The following HS3ST4 variants were observed in gnomAD, a reference collection of about 807,000 sequenced individuals.
The protein encoded by HS3ST4 is heparan sulfate glucosamine 3-O-sulfotransferase 4.
A neutral mutation model predicts 29.2 loss-of-function variants in HS3ST4; 17 were observed. That is an observed-to-expected ratio of 0.58 (90% CI 0.40 to 0.87). The LOEUF is 0.87. HS3ST4 is among the 40% of genes least tolerant of loss of function. The pLI, the probability that HS3ST4 is intolerant of heterozygous loss-of-function variation, is 0.00. For synonymous variants in HS3ST4, 314 were observed against 285.7 expected (o/e 1.10, Z -1.00); for missense variants, 627 against 634.5 (o/e 0.99, Z 0.13).
At chr16:26,120,011 C>T (rs1301311943) in intron 1 of HS3ST4, among the ~76,000 whole-genome samples, 1 of 151,296 alleles carries the variant, frequency 6.6e-6, no homozygotes, top group Non-Finnish European at 1.5e-5. Context: ...GCACTGAGAC[C>T]TGAATAAGAG....
At chr16:26,011,476 C>G (rs1969310165) in intron 1 of HS3ST4, among the ~76,000 whole-genome samples, 1 of 152,170 alleles carries the variant, frequency 6.6e-6, no homozygotes, top group South Asian at 2.1e-4. Flanking sequence ...ACTAGAAGTG[C>G]TTGAACGCAG....
At chr16:26,102,454 C>A (rs1046055302) in intron 1 of HS3ST4, among the ~76,000 whole-genome samples, 1 of 152,154 alleles carries the variant, frequency 6.6e-6, no homozygotes, top group Non-Finnish European at 1.5e-5. Flanking sequence ...ACCACTGTTT[C>A]TATTTCTTTC....
At chr16:25,886,308 G>C (rs1596602787) in intron 1 of HS3ST4, among the ~76,000 whole-genome samples, 1 of 152,006 alleles carries the variant, frequency 6.6e-6, no homozygotes, top group East Asian at 1.9e-4. Context: ...TCTGGGATTA[G>C]AGTAGTGAGC....
chr16:26,130,534 G>GC (rs1301179549), intron 1 of HS3ST4, among the ~76,000 whole-genome samples: 1 of 152,174 alleles, frequency 6.6e-6, no homozygotes. Context: ...TTTGCCTACA[G>GC]CCCCAAGGAA....
chr16:25,816,366 G>C (rs1350226229), intron 1 of HS3ST4, among the ~76,000 whole-genome samples: 1 of 152,186 alleles, frequency 6.6e-6, no homozygotes, highest in Non-Finnish European at 1.5e-5. Flanking sequence ...GACAGTCAGA[G>C]GCGATCGATA....
chr16:26,082,920 A>C (rs1007379829), intron 1 of HS3ST4, among the ~76,000 whole-genome samples: 1 of 152,260 alleles, frequency 6.6e-6, no homozygotes, highest in Non-Finnish European at 1.5e-5. Context: ...TGGTTGCTAC[A>C]GAATAACTTG....
intron 1 of HS3ST4, among the ~76,000 whole-genome samples, chr16:25,987,640 G>A (rs1247659832): frequency 1.3e-5 from 2 of 152,208 alleles, no homozygotes; most frequent in Admixed American, 1.3e-4. Context: ...AGGGGACAGT[G>A]CTCAGAGCCA....
intron 1 of HS3ST4, among the ~76,000 whole-genome samples, chr16:26,034,388 C>G (rs901035200): frequency 7.2e-5 from 11 of 152,192 alleles, no homozygotes; most frequent in Non-Finnish European, 1.6e-4. Flanking sequence ...TCATTCAGTA[C>G]ACAGCGACTG....
chr16:25,844,836 T>C (rs1327258727), intron 1 of HS3ST4, among the ~76,000 whole-genome samples: 1 of 151,960 alleles, frequency 6.6e-6, no homozygotes, highest in Non-Finnish European at 1.5e-5. Context: ...ATAAAGAAAA[T>C]GTACATATAC....
At chr16:25,744,681 A>G (rs1348501668) in intron 1 of HS3ST4, among the ~76,000 whole-genome samples, 1 of 152,060 alleles carries the variant, frequency 6.6e-6, no homozygotes, top group African/African-American at 2.4e-5. Context: ...TTGAATTCCC[A>G]TGTGTTGTGG....
intron 1 of HS3ST4, among the ~76,000 whole-genome samples, chr16:26,030,387 C>T (rs184790719): frequency 6.6e-5 from 10 of 152,168 alleles, no homozygotes; most frequent in Middle Eastern, 3.4e-3. Context: ...GCCTAGGCAC[C>T]GGGTGAGACG....
intron 1 of HS3ST4, among the ~76,000 whole-genome samples, chr16:26,112,619 T>C (rs1245446992): frequency 1.3e-5 from 2 of 151,952 alleles, no homozygotes; most frequent in Non-Finnish European, 2.9e-5. Flanking sequence ...GAAGAAGATA[T>C]TTGCAGTCTA....
intron 1 of HS3ST4, among the ~76,000 whole-genome samples, chr16:25,961,639 G>A (rs1232150776): frequency 1.3e-5 from 2 of 152,100 alleles, no homozygotes; most frequent in African/African-American, 2.4e-5. Flanking sequence ...GTGTCGGAGG[G>A]TAACTCCAAC....
chr16:25,947,066 AGT>A (rs939923886), intron 1 of HS3ST4, among the ~76,000 whole-genome samples: 2 of 151,928 alleles, frequency 1.3e-5, no homozygotes, highest in Admixed American at 1.3e-4. Flanking sequence ...GTATTAAGCA[AGT>A]GTGTGTGTGT....
At chr16:25,927,711 G>C (rs567839642) in intron 1 of HS3ST4, among the ~76,000 whole-genome samples, 2 of 150,642 alleles carry the variant, frequency 1.3e-5, no homozygotes, top group Non-Finnish European at 1.5e-5. Context: ...TTTTTTCCCC[G>C]ATTTTTCGGA....
chr16:26,056,610 G>A (rs1325431106), intron 1 of HS3ST4, among the ~76,000 whole-genome samples: 1 of 152,200 alleles, frequency 6.6e-6, no homozygotes, highest in African/African-American at 2.4e-5. Context: ...TACCTAATGT[G>A]TGCACACTGG....
chr16:26,032,084 A>C (rs530417807), intron 1 of HS3ST4, among the ~76,000 whole-genome samples: 171 of 152,308 alleles, frequency 1.1e-3, no homozygotes, highest in African/African-American at 3.9e-3. Context: ...GCATCACTGG[A>C]AAGTCCAGAT....
intron 1 of HS3ST4, among the ~76,000 whole-genome samples, chr16:26,001,345 T>C (rs917412395): frequency 2.0e-5 from 3 of 152,196 alleles, no homozygotes; most frequent in Admixed American, 1.3e-4. Flanking sequence ...TATGTGAATA[T>C]ACATAAAGGG....
intron 1 of HS3ST4, among the ~76,000 whole-genome samples, chr16:26,064,112 C>A (rs1203574910): frequency 6.6e-6 from 1 of 152,072 alleles, no homozygotes; most frequent in African/African-American, 2.4e-5. Context: ...GTGCTGTCTG[C>A]ATGTTGGGGG....
Sources: allele counts gnomAD v4.1 joint callset (sites outside exome capture counted in the v4.1 genomes callset), GRCh38; gene constraint gnomAD v4.1.1; transcripts MANE v1.5; gene names NCBI Gene and HGNC (gene_info 2026-07-23, HGNC 2026-07-21).